The following CNTNAP2 variants were observed in gnomAD, a reference collection of about 807,000 sequenced individuals.
The protein encoded by CNTNAP2 is contactin-associated protein-like 2.
Under a neutral mutation model 155.2 loss-of-function variants are expected in CNTNAP2, and 98 were observed. The observed-to-expected ratio is 0.63, with a 90% CI of 0.54 to 0.75. The LOEUF is 0.75. CNTNAP2 is among the 30% of genes least tolerant of loss of function. The pLI is 0.00. For missense variants in CNTNAP2, 1,727 were observed against 1,688.1 expected (o/e 1.02, Z -0.40); for synonymous variants, 651 against 631.2 (o/e 1.03, Z -0.47).
intron 12 of CNTNAP2, among the ~76,000 whole-genome samples, chr7:147,572,534 T>C (rs1800315798): frequency 6.6e-6 from 1 of 152,000 alleles, no homozygotes; most frequent in South Asian, 2.1e-4. Context: ...CACTGCTTGA[T>C]TTTGTGCTTT....
Position 146,721,888 on chromosome 7 carries a change from TA to T in CNTNAP2, c.98-52382del, listed in dbSNP as rs1248417212. On this transcript the variant is annotated intron_variant, in intron 1 of 23. Transcript: ENST00000361727. ...GTGTGTGTGTGTGTATATATATATATATTTTTTTTTTTTTTTTTGAGATGGA... is the reference window on the plus strand; with the variant it reads ...GTGTGTGTGTGTGTATATATATATATTTTTTTTTTTTTTTTTTGAGATGGA... Among the ~76,000 whole-genome samples, 2 of 103,054 alleles carry T rather than the reference TA, an allele frequency of 1.9e-5. 1 individual carries two copies. The highest frequency in any genetic ancestry group is 1.4e-4 in the African/African-American group (2 of 14,756). 67.6% of individuals were successfully genotyped at this position (103,054 alleles called of 152,430 possible).
At chr7:146,653,529 G>T (rs1799949584) in intron 1 of CNTNAP2, among the ~76,000 whole-genome samples, 1 of 152,048 alleles carries the variant, frequency 6.6e-6, no homozygotes, top group Non-Finnish European at 1.5e-5. Context: ...ACTACTCTTT[G>T]AAAAGTACAC....
chr7:147,067,911 A>G (rs1039652325), intron 4 of CNTNAP2, among the ~76,000 whole-genome samples: 1 of 152,166 alleles, frequency 6.6e-6, no homozygotes, highest in Non-Finnish European at 1.5e-5. Flanking sequence ...CTTAGAACAG[A>G]CATTTATTAT....
At chr7:147,526,459 T>C (rs916576259) in intron 11 of CNTNAP2, among the ~76,000 whole-genome samples, 1 of 152,132 alleles carries the variant, frequency 6.6e-6, no homozygotes, top group Admixed American at 6.6e-5. Flanking sequence ...CGAGGTAAAG[T>C]TTTACTCGTG....
At chr7:148,389,940 A>C (rs1290711947) in intron 22 of CNTNAP2, 1 of 151,988 alleles carries the variant, frequency 6.6e-6, no homozygotes, top group African/African-American at 2.4e-5. Flanking sequence ...CCTCGGGGGG[A>C]TAGGAGGGAC....
At chr7:147,554,182 G>A (rs1471009199) in intron 11 of CNTNAP2, among the ~76,000 whole-genome samples, 1 of 152,110 alleles carries the variant, frequency 6.6e-6, no homozygotes, top group Non-Finnish European at 1.5e-5. Flanking sequence ...TAACCTAATA[G>A]TAACCCTGAA....
intron 3 of CNTNAP2, among the ~76,000 whole-genome samples, chr7:146,944,626 G>C (rs1797121980): frequency 6.6e-6 from 1 of 152,052 alleles, no homozygotes; most frequent in Non-Finnish European, 1.5e-5. Context: ...CACCTGTAAT[G>C]CCAGCACTTT....
intron 9 of CNTNAP2, among the ~76,000 whole-genome samples, chr7:147,310,344 C>T (rs1484078105): frequency 6.6e-6 from 1 of 152,134 alleles, no homozygotes; most frequent in Non-Finnish European, 1.5e-5. Flanking sequence ...ACCCTGCGGC[C>T]ATTTACCATT....
At chr7:146,770,343 CACACACAT>C (rs1034686692) in intron 1 of CNTNAP2, among the ~76,000 whole-genome samples, 110 of 151,236 alleles carry the variant, frequency 7.3e-4, no homozygotes, top group African/African-American at 2.5e-3. Context: ...CACACACACA[CACACACAT>C]ATACATATAA....
intron 11 of CNTNAP2, among the ~76,000 whole-genome samples, chr7:147,499,396 G>A (rs1280384908): frequency 6.6e-6 from 1 of 152,018 alleles, no homozygotes; most frequent in African/African-American, 2.4e-5. Context: ...GGGCGTGGTG[G>A]CAGGCGCCTG....
At chr7:147,749,359 G>A (rs1797097163) in intron 13 of CNTNAP2, among the ~76,000 whole-genome samples, 1 of 152,066 alleles carries the variant, frequency 6.6e-6, no homozygotes, top group South Asian at 2.1e-4. Flanking sequence ...ATCAATGTCT[G>A]TTTTACATAT....
At chr7:147,395,915 G>T in intron 10 of CNTNAP2, 135 bp downstream of exon 10, 1 of 860,928 alleles carries the variant, frequency 1.2e-6, no homozygotes, top group Non-Finnish European at 1.9e-6. Flanking sequence ...TTCAAAGTAC[G>T]TATTGTAGTA....
chr7:146,304,255 C>T (rs1024924884), intron 1 of CNTNAP2, among the ~76,000 whole-genome samples: 12 of 151,882 alleles, frequency 7.9e-5, no homozygotes, highest in Non-Finnish European at 1.6e-4. Flanking sequence ...AATTGGAGCA[C>T]TTAGGCAATT....
At chr7:146,412,862 A>T (rs1795886014) in intron 1 of CNTNAP2, among the ~76,000 whole-genome samples, 1 of 152,206 alleles carries the variant, frequency 6.6e-6, no homozygotes, top group African/African-American at 2.4e-5. Context: ...GTCACAGAGT[A>T]AACCTAAAAT....
chr7:147,109,708 G>A (rs1032397945), intron 5 of CNTNAP2, among the ~76,000 whole-genome samples: 2 of 152,030 alleles, frequency 1.3e-5, no homozygotes, highest in African/African-American at 2.4e-5. Context: ...CTACTCTGTG[G>A]AATAGAAAAG....
chr7:147,412,467 C>G (rs1253095228), intron 10 of CNTNAP2, among the ~76,000 whole-genome samples: 1 of 152,154 alleles, frequency 6.6e-6, no homozygotes, highest in Non-Finnish European at 1.5e-5. Flanking sequence ...GGGTTAGGCA[C>G]TTTTTAACCT....
intron 3 of CNTNAP2, among the ~76,000 whole-genome samples, chr7:146,867,445 A>T (rs150796740): frequency 6.6e-6 from 1 of 152,104 alleles, no homozygotes; most frequent in Non-Finnish European, 1.5e-5. Flanking sequence ...GGTTGATTTC[A>T]TATCTTTGCT....
chr7:147,920,887 G>C (rs1310203437), intron 14 of CNTNAP2, among the ~76,000 whole-genome samples: 1 of 140,322 alleles, frequency 7.1e-6, no homozygotes, highest in African/African-American at 2.7e-5. Flanking sequence ...TCAGCTCACT[G>C]CAAGCTCTGC....
intron 10 of CNTNAP2, among the ~76,000 whole-genome samples, chr7:147,452,238 C>G (rs1443477042): frequency 6.6e-6 from 1 of 152,158 alleles, no homozygotes; most frequent in Non-Finnish European, 1.5e-5. Flanking sequence ...GATAGACATT[C>G]AAACTTCCTC....
Sources: allele counts gnomAD v4.1 joint callset (sites outside exome capture counted in the v4.1 genomes callset), GRCh38; gene constraint gnomAD v4.1.1; transcripts MANE v1.5; gene names NCBI Gene and HGNC (gene_info 2026-07-23, HGNC 2026-07-21).